Variants in HMGCS2 observed in about 807,000 individuals in gnomAD.
HMGCS2 encodes 3-hydroxy-3-methylglutaryl-CoA synthase 2.
HMGCS2 carries 50 observed loss-of-function variants against 57.4 expected under a neutral mutation model. That is an observed-to-expected ratio of 0.87 (90% CI 0.69 to 1.10). The LOEUF (loss-of-function observed/expected upper bound fraction) is 1.10, where lower values mean the gene tolerates loss of function less well. Ranked by LOEUF, HMGCS2 falls within the 50% of genes least tolerant of loss-of-function variation. The pLI, the probability that HMGCS2 is intolerant of heterozygous loss-of-function variation, is 0.00. For synonymous variants in HMGCS2, 254 were observed against 245.1 expected (o/e 1.04, Z -0.34); for missense variants, 627 against 636.5 (o/e 0.99, Z 0.16).
At chr1:119,755,683 G>T in intron 5 of HMGCS2, 86 bp from the exon 6 acceptor site, 1 of 1,221,994 alleles carries the variant, frequency 8.2e-7, no homozygotes, top group South Asian at 1.2e-5. Flanking sequence ...TTCTGGAGAG[G>T]ACTTTGGGGC....
At chr1:119,761,421 A>G (rs1345429053) in intron 2 of HMGCS2, among the ~76,000 whole-genome samples, 3 of 152,096 alleles carry the variant, frequency 2.0e-5, no homozygotes, top group African/African-American at 7.2e-5. Flanking sequence ...TATTTACAAT[A>G]CTTACAATCA....
intron 2 of HMGCS2, among the ~76,000 whole-genome samples, chr1:119,763,233 A>T (rs587619559): frequency 6.6e-6 from 1 of 152,332 alleles, no homozygotes; most frequent in East Asian, 1.9e-4. Context: ...AAAGCAAAAG[A>T]TATTGAATTA....
intron 1 of HMGCS2, among the ~76,000 whole-genome samples, 195 bp downstream of exon 1, chr1:119,768,546 T>G (rs587724075): frequency 1.1e-4 from 17 of 152,324 alleles, no homozygotes; most frequent in African/African-American, 3.1e-4. Flanking sequence ...GTTTGGGCTC[T>G]TCTCACTCTA....
intron 1 of HMGCS2, among the ~76,000 whole-genome samples, chr1:119,766,167 G>T (rs1033967716): frequency 6.6e-6 from 1 of 152,132 alleles, no homozygotes; most frequent in African/African-American, 2.4e-5. Flanking sequence ...AGGTGAACTT[G>T]GTGATCTCTG....
chr1:119,755,360 C>A, intron 6 of HMGCS2, 67 bp downstream of exon 6: 2 of 1,497,902 alleles, frequency 1.3e-6, no homozygotes, highest in Non-Finnish European at 1.9e-6. Flanking sequence ...CTTTGTTGAC[C>A]CTGCAGCCCA....
intron 1 of HMGCS2, 46 bp from the exon 2 acceptor site, chr1:119,764,672 A>C: frequency 1.4e-6 from 2 of 1,386,482 alleles, no homozygotes; most frequent in Non-Finnish European, 2.0e-6. Flanking sequence ...GTCTGTAGAC[A>C]ATTTCCTCAA....
intron 4 of HMGCS2, among the ~76,000 whole-genome samples, chr1:119,757,781 T>C (rs772565271): frequency 6.6e-6 from 1 of 152,216 alleles, no homozygotes; most frequent in Non-Finnish European, 1.5e-5. Context: ...AAAGGCTGGC[T>C]TTGGATTCAG....
chr1:119,752,736 C>T (rs1376535064), intron 7 of HMGCS2, 62 bp from the exon 8 acceptor site: 6 of 1,596,864 alleles, frequency 3.8e-6, no homozygotes, highest in South Asian at 3.3e-5. Context: ...TTGCCAATCA[C>T]GAGTTCAACA....
At chr1:119,767,684 G>A (rs1213341920) in intron 1 of HMGCS2, among the ~76,000 whole-genome samples, 3 of 152,188 alleles carry the variant, frequency 2.0e-5, no homozygotes, top group Non-Finnish European at 4.4e-5. Context: ...AAGGGAAATG[G>A]GAATGATTCC....
intron 7 of HMGCS2, 137 bp from the exon 8 acceptor site, chr1:119,752,811 C>T (rs1464640576): frequency 4.2e-6 from 4 of 961,294 alleles, no homozygotes; most frequent in African/African-American, 1.6e-5. Flanking sequence ...CTTAGAATAC[C>T]AAGAAATGAT....
intron 4 of HMGCS2, 136 bp from the exon 5 acceptor site, chr1:119,757,574 G>A (rs1324989279): frequency 1.4e-6 from 2 of 1,380,564 alleles, no homozygotes; most frequent in African/African-American, 1.4e-5. Flanking sequence ...ACACATATGA[G>A]CTTTATTTAT....
rs1258406005 is a variant in HMGCS2, at chr1:119,750,815, CG to C, written c.1513del (p.Arg505GlyfsTer39). ...CACTCACCACCTTTAGACGGGACGC[CG>C]GGCATACTTTCGGCGATGCTGCTCG... ...VDEQHRRKYA[R>X]RPV On this transcript the variant is annotated frameshift_variant, in exon 9 of 10. Transcript: ENST00000369406. LOFTEE classifies it high-confidence loss of function. 1 of 1,612,952 alleles carries C rather than the reference CG, an allele frequency of 6.2e-7. No homozygotes were observed.
Position 119,748,755 on chromosome 1 carries a change from C to T in HMGCS2, c.*92G>A, listed in dbSNP as rs1236721331. ...ATGTCGATTCAAATTCATTTACCAGCTAAGAGTGGGATCTTAAAAATATGA... is the reference window on the plus strand; with the variant it reads ...ATGTCGATTCAAATTCATTTACCAGTTAAGAGTGGGATCTTAAAAATATGA... On this transcript the variant is annotated 3_prime_UTR_variant, in exon 10 of 10. Transcript: ENST00000369406. 4 of 152,200 alleles carry T rather than the reference C, an allele frequency of 2.6e-5. No homozygotes were observed. Among genetic ancestry groups the T allele is most frequent in the Admixed American group, 2.0e-4 (3 of 15,290 alleles). 9.4% of individuals were successfully genotyped at this position (152,200 alleles called of 1,614,324 possible). A position where few individuals can be genotyped will look rare whatever the true frequency, so the allele number is the denominator to read the frequency against.
At chr1:119,764,666 G>A (rs374244366) in intron 1 of HMGCS2, 40 bp from the exon 2 acceptor site, 30 of 1,432,032 alleles carry the variant, frequency 2.1e-5, no homozygotes, top group Non-Finnish European at 2.7e-5. Flanking sequence ...CTAATGGTCT[G>A]TAGACAATTT....
At chr1:119,756,391 A>G (rs1652838707) in intron 5 of HMGCS2, among the ~76,000 whole-genome samples, 1 of 152,238 alleles carries the variant, frequency 6.6e-6, no homozygotes, top group African/African-American at 2.4e-5. Flanking sequence ...TTAAGCTAGT[A>G]TCTTTGGTAT....
At chr1:119,749,995 C>T (rs890168083) in intron 9 of HMGCS2, among the ~76,000 whole-genome samples, 10 of 152,112 alleles carry the variant, frequency 6.6e-5, no homozygotes, top group Non-Finnish European at 1.0e-4. Context: ...CCTTTAAAAA[C>T]GATCATAAAG....
At chr1:119,757,138 G>A (rs1652867789) in intron 5 of HMGCS2, 135 bp downstream of exon 5, 1 of 1,423,652 alleles carries the variant, frequency 7.0e-7, no homozygotes, top group African/African-American at 1.4e-5. Context: ...GAAGGACCTG[G>A]GATTGTTCCT....
At chr1:119,758,660 G>A (rs988025582) in intron 4 of HMGCS2, among the ~76,000 whole-genome samples, 4 of 152,214 alleles carry the variant, frequency 2.6e-5, no homozygotes, top group Non-Finnish European at 4.4e-5. Context: ...GTAGCATCAC[G>A]AAGAGAAAAA....
At position 119,755,616 on chromosome 1, in the gene HMGCS2, T is replaced by C. The variant is rs767274717; in HGVS notation, c.1017-19A>G. ...TAGCCCCCTGTGAGGTAGCCAGAGG[T>C]AGCCATGTGAGAGGCCAGGGGACGG... is the stretch of plus-strand genomic sequence containing the variant. On this transcript the variant is annotated intron_variant, in intron 5 of 9. Coordinates refer to ENST00000369406, the MANE Select transcript of HMGCS2 (RefSeq NM_005518.4). The C allele has an allele frequency of 2.0e-5, 33 of 1,613,564 alleles. No homozygotes were observed. The African/African-American group carries it at 4.0e-4, about 20-fold the overall frequency.
Sources: gnomAD v4.1 joint callset for allele counts (sites outside exome capture counted in the v4.1 genomes callset) on GRCh38, gnomAD v4.1.1 for gene constraint, MANE v1.5 for transcripts, NCBI Gene and HGNC (gene_info 2026-07-23, HGNC 2026-07-21) for gene names.